The following FAM53B variants were observed in gnomAD, a reference collection of about 807,000 sequenced individuals.
FAM53B encodes protein FAM53B.
FAM53B carries 12 observed loss-of-function variants against 32.7 expected under a neutral mutation model. The observed-to-expected ratio is 0.37, with a 90% CI of 0.24 to 0.59. FAM53B has a LOEUF of 0.59. Among genes scored for constraint, FAM53B ranks in the 20% least tolerant of loss-of-function variants. The pLI is 0.72. For missense variants in FAM53B, 477 were observed against 577.7 expected (o/e 0.83, Z 1.79); for synonymous variants, 234 against 228.7 (o/e 1.02, Z -0.21).
intron 2 of FAM53B, among the ~76,000 whole-genome samples, chr10:124,705,418 C>G (rs1026897324): frequency 4.6e-5 from 7 of 152,246 alleles, no homozygotes; most frequent in African/African-American, 7.2e-5. Flanking sequence ...TTCTTCTCAC[C>G]CTTCAAGGCC....
At chr10:124,704,573 A>T (rs1336735535) in intron 2 of FAM53B, among the ~76,000 whole-genome samples, 3 of 152,196 alleles carry the variant, frequency 2.0e-5, no homozygotes. Context: ...CAGGCCAAGG[A>T]AAAAGTGCAA....
intron 1 of FAM53B, among the ~76,000 whole-genome samples, chr10:124,725,003 A>G (rs1326797171): frequency 6.6e-6 from 1 of 152,226 alleles, no homozygotes; most frequent in East Asian, 1.9e-4. Context: ...GCTCCATTCA[A>G]AGCCATGACT....
chr10:124,628,355 A>C (rs1461212467), intron 4 of FAM53B, among the ~76,000 whole-genome samples: 1 of 151,440 alleles, frequency 6.6e-6, no homozygotes, highest in Non-Finnish European at 1.5e-5. Flanking sequence ...GATAGTGACC[A>C]CTCCCCTTTG....
rs1949321257 is a variant in FAM53B, at chr10:124,622,938, T to A, written c.*304A>T. On this transcript the variant is annotated 3_prime_UTR_variant, in exon 5 of 5. Coordinates refer to ENST00000337318, the MANE Select transcript of FAM53B (RefSeq NM_014661.4). ...CGGGGACAACAGAGACTGCCCAACA[T>A]CCCACAGGGAAAGAGGCAGAAAAGA... The A allele has an allele frequency of 2.1e-5, 6 of 285,768 alleles. No homozygotes were observed. Among genetic ancestry groups the A allele is most frequent in the East Asian group, 1.6e-4 (2 of 12,388 alleles). The allele number at this position is 285,768 out of a possible 1,614,324, so 17.7% of individuals were successfully genotyped here.
intron 1 of FAM53B, among the ~76,000 whole-genome samples, chr10:124,738,732 T>C (rs574418856): frequency 5.3e-5 from 8 of 152,284 alleles, no homozygotes; most frequent in African/African-American, 9.6e-5. Flanking sequence ...AAATATGATA[T>C]TGTACAGACC....
rs1186642678 is a variant in FAM53B at position 124,681,637 on chromosome 10, C to T, written c.876G>A (p.Arg292=). ...RRRPEEVQEQ[R]PSLDLAKMAQ... ...CCATCTTGGCAAGGTCTAGAGAAGG[C>T]CTCTGCTCTTGCACTTCTTCAGGGC... The change falls in exon 4 of 5, where the codon AGG becomes AGA. Residue 292 remains arginine, a synonymous_variant. Transcript: ENST00000337318. 3 of 1,610,298 alleles carry T rather than the reference C, an allele frequency of 1.9e-6. No homozygotes were observed. In the South Asian group the frequency reaches 3.3e-5, roughly 18 times the overall value.
At chr10:124,635,450 A>G (rs144042622) in intron 4 of FAM53B, among the ~76,000 whole-genome samples, 1 of 152,244 alleles carries the variant, frequency 6.6e-6, no homozygotes, top group African/African-American at 2.4e-5. Context: ...ATAGCCTTTA[A>G]ATATACAAAA....
chr10:124,713,243 G>A lies in FAM53B; in HGVS notation c.-174-6356C>T, dbSNP rs370573083. ...AGTATGCACATTTTCCAGATGGGAAGACTGAGGCTCCAAGAAAAGAAATCA... is the reference window on the plus strand; with the variant it reads ...AGTATGCACATTTTCCAGATGGGAAAACTGAGGCTCCAAGAAAAGAAATCA... On this transcript the variant is annotated intron_variant, in intron 1 of 4. Transcript: ENST00000337318. 2.1e-3 allele frequency among the ~76,000 whole-genome samples: 318 copies of A among 152,308 alleles called. 5 individuals carry two copies. The highest frequency in any genetic ancestry group is 7.4e-3 in the African/African-American group (306 of 41,566).
chr10:124,710,001 A>T (rs554568077), intron 1 of FAM53B, among the ~76,000 whole-genome samples: 1 of 152,234 alleles, frequency 6.6e-6, no homozygotes, highest in Admixed American at 6.5e-5. Flanking sequence ...CTTAAAAAAC[A>T]GGCAAGATTT....
chr10:124,657,098 GTGTATATATA>G (rs1257351676), intron 4 of FAM53B, among the ~76,000 whole-genome samples: 10 of 111,956 alleles, frequency 8.9e-5, no homozygotes, highest in Non-Finnish European at 1.8e-4. Context: ...GTATATATAT[GTGTATATATA>G]TGTGTGTGTG....
intron 1 of FAM53B, among the ~76,000 whole-genome samples, chr10:124,711,998 T>G (rs1025330793): frequency 4.6e-5 from 7 of 152,058 alleles, no homozygotes; most frequent in African/African-American, 1.7e-4. Context: ...AGTTTGAAGT[T>G]GAAATGAGCT....
chr10:124,670,666 G>C (rs532768523), intron 4 of FAM53B, among the ~76,000 whole-genome samples: 5 of 152,164 alleles, frequency 3.3e-5, no homozygotes, highest in Non-Finnish European at 5.9e-5. Flanking sequence ...CATTCTCCCT[G>C]ATTATCTTTG....
At chr10:124,623,707 CCAAT>C in intron 4 of FAM53B, 103 bp from the exon 5 acceptor site, 2 of 1,348,100 alleles carry the variant, frequency 1.5e-6, no homozygotes, top group South Asian at 3.0e-5. Flanking sequence ...TGTGGCAAGA[CCAAT>C]CAAGTCCCGG....
At chr10:124,658,832 T>C (rs1008794067) in intron 4 of FAM53B, among the ~76,000 whole-genome samples, 1 of 152,188 alleles carries the variant, frequency 6.6e-6, no homozygotes. Context: ...CTGTCAAAGC[T>C]TCTCCAGCCT....
At chr10:124,716,242 C>T (rs1471191513) in intron 1 of FAM53B, among the ~76,000 whole-genome samples, 1 of 152,172 alleles carries the variant, frequency 6.6e-6, no homozygotes, top group Non-Finnish European at 1.5e-5. Flanking sequence ...CCACCGAAGG[C>T]CACACTTGGG....
chr10:124,730,417 G>A (rs556751184), intron 1 of FAM53B, among the ~76,000 whole-genome samples: 1 of 152,360 alleles, frequency 6.6e-6, no homozygotes, highest in African/African-American at 2.4e-5. Flanking sequence ...TTTAGGGACA[G>A]CCTCTTCACT....
intron 1 of FAM53B, among the ~76,000 whole-genome samples, chr10:124,708,251 T>C (rs916318806): frequency 2.6e-5 from 4 of 152,256 alleles, no homozygotes; most frequent in Admixed American, 2.0e-4. Context: ...GCTGTCCAGA[T>C]TGTAAATCAT....
intron 1 of FAM53B, among the ~76,000 whole-genome samples, chr10:124,722,992 G>A (rs997370322): frequency 2.6e-5 from 4 of 152,156 alleles, no homozygotes; most frequent in Admixed American, 6.5e-5. Context: ...CCTGCTCCCT[G>A]CTGCCCTCTC....
intron 4 of FAM53B, among the ~76,000 whole-genome samples, chr10:124,637,313 G>A (rs1399903724): frequency 1.3e-5 from 2 of 152,290 alleles, no homozygotes; most frequent in African/African-American, 2.4e-5. Context: ...GGCAGGACGT[G>A]GGTGCCTGGC....
Sources: allele counts gnomAD v4.1 joint callset (sites outside exome capture counted in the v4.1 genomes callset), GRCh38; gene constraint gnomAD v4.1.1; transcripts MANE v1.5; gene names NCBI Gene and HGNC (gene_info 2026-07-23, HGNC 2026-07-21).